The following APOL3 variants were observed in gnomAD, a reference collection of about 807,000 sequenced individuals.
APOL3 encodes apolipoprotein L3, also known as TNF-inducible protein CG12-1.
Under a neutral mutation model 11.6 loss-of-function variants are expected in APOL3, and 14 were observed. The ratio of observed to expected loss-of-function variants is 1.21; its 90% confidence interval spans 0.80 to 1.89. The LOEUF (loss-of-function observed/expected upper bound fraction) is 1.89, where lower values mean the gene tolerates loss of function less well. APOL3 is among the 40% of genes most tolerant of loss of function. The pLI is 0.00. For missense variants in APOL3, 483 were observed against 492.1 expected, an observed-to-expected ratio of 0.98 and a Z score of 0.17; for synonymous variants, 192 against 190.6, an observed-to-expected ratio of 1.01 and a Z score of -0.06.
At position 36,149,293 on chromosome 22, in the gene APOL3, C is replaced by T; in HGVS notation, c.224-3694G>A. On this transcript the variant is annotated intron_variant, in intron 1 of 2. Coordinates refer to ENST00000349314, the Ensembl canonical transcript of APOL3. ...TGTTTTTTAATCTCCTGGGCCCCAG[C>T]CAGCTGGTATTTAGAGAAATTCTAC... 4 of 1,305,846 alleles carry T rather than the reference C, an allele frequency of 3.1e-6. No homozygotes were observed. The South Asian group carries it at 3.7e-5, about 12-fold the overall frequency. The allele number at this position is 1,305,846 out of a possible 1,614,324, so 80.9% of individuals were successfully genotyped here.
At chr22:36,150,066 C>G in intron 1 of APOL3, 2 of 371,288 alleles carry the variant, frequency 5.4e-6, no homozygotes, top group South Asian at 4.1e-5. Flanking sequence ...CCTGCCTGAG[C>G]CCCCCAAAGT....
chr22:36,160,786 T>C (rs1569530047), exon 1 of APOL3: 3 of 1,614,146 alleles, frequency 1.9e-6, no homozygotes, highest in Non-Finnish European at 2.5e-6. Flanking sequence ...CTCTGAGATA[T>C]ACCCTGGAAC....
chr22:36,153,063 A>G (rs142373852), intron 1 of APOL3, among the ~76,000 whole-genome samples: 6 of 152,268 alleles, frequency 3.9e-5, no homozygotes, highest in African/African-American at 1.4e-4. Context: ...GTGAGCCAAG[A>G]TAGCTACATT....
upstream of APOL3, chr22:36,161,680 T>G (rs1257558811): frequency 6.6e-6 from 1 of 152,400 alleles, no homozygotes; most frequent in Non-Finnish European, 1.5e-5. Flanking sequence ...GCTGTTGTAA[T>G]TGGCCACAGT....
In APOL3 at chr22:36,140,991, C is replaced by G. The variant is rs776579942; in HGVS notation, c.*209G>C. 4 of 661,386 alleles carry G rather than the reference C, an allele frequency of 6.0e-6. No homozygotes were observed. The East Asian group carries it at 8.1e-5, about 13-fold the overall frequency. The allele number at this position is 661,386 out of a possible 1,614,324, so 41.0% of individuals were successfully genotyped here. ...CTCCAGTCCCCTCTCCTCCCTTATT[C>G]CAGGCTCCAGCATTCCTGCCTTCTC... On this transcript the variant is annotated 3_prime_UTR_variant, in exon 3 of 3. Coordinates refer to ENST00000349314, the Ensembl canonical transcript of APOL3.
rs199746432 is a variant in APOL3, at chr22:36,149,127, G to A, written c.224-3528C>T. On this transcript the variant is annotated intron_variant, in intron 1 of 2. The change creates a new upstream start codon in the 5' untranslated region. Transcript: ENST00000349314. ...GTCACTGACCTGACTGGAAGGGTTCGTTTTTTTTCTTAACCCTTGAGGAGG... is the reference window on the plus strand; with the variant it reads ...GTCACTGACCTGACTGGAAGGGTTCATTTTTTTTCTTAACCCTTGAGGAGG... The A allele has an allele frequency of 6.9e-5, 94 of 1,367,526 alleles. No individual in the cohort carries two copies. In the Admixed American group the frequency reaches 1.1e-3, roughly 16 times the overall value. 84.7% of individuals were successfully genotyped at this position (1,367,526 alleles called of 1,614,324 possible).
At chr22:36,145,009 CAAAAAAAAAAAAAAAAGA>C (rs1169194371) in intron 2 of APOL3, among the ~76,000 whole-genome samples, 2 of 37,952 alleles carry the variant, frequency 5.3e-5, no homozygotes, top group East Asian at 1.6e-3. Flanking sequence ...GACTCTGTCT[CAAAAAAAAAAAAAAAAGA>C]AAAAAAAAGA....
At chr22:36,145,410 G>A in intron 2 of APOL3, 63 bp downstream of exon 3, 2 of 1,590,288 alleles carry the variant, frequency 1.3e-6, no homozygotes, top group Non-Finnish European at 1.7e-6. Context: ...GAGAAAACTA[G>A]CCCAGGGGAG....
chr22:36,143,788 C>A (rs760402983), intron 2 of APOL3, among the ~76,000 whole-genome samples: 18 of 152,356 alleles, frequency 1.2e-4, no homozygotes, highest in Middle Eastern at 3.4e-3. Context: ...CAGGTGACAG[C>A]TTCACCTGTG....
intron 2 of APOL3, 34 bp from the exon 4 acceptor site, chr22:36,142,092 C>A: frequency 6.4e-7 from 1 of 1,556,062 alleles, no homozygotes; most frequent in Non-Finnish European, 8.7e-7. Flanking sequence ...TTAAGAAAGG[C>A]AGCTTACTTA....
chr22:36,146,845 C>T (rs922691562), intron 1 of APOL3, among the ~76,000 whole-genome samples: 2 of 151,996 alleles, frequency 1.3e-5, no homozygotes, highest in Admixed American at 1.3e-4. Context: ...GATGAGTTGC[C>T]CCAAAAATGT....
At chr22:36,152,051 G>A (rs2011804269) in intron 1 of APOL3, among the ~76,000 whole-genome samples, 1 of 152,086 alleles carries the variant, frequency 6.6e-6, no homozygotes, top group Non-Finnish European at 1.5e-5. Context: ...GAGAGAAAAA[G>A]ACGTGAAAGA....
At position 36,153,440 on chromosome 22, in the gene APOL3, G is replaced by A. The variant is rs1025404918; in HGVS notation, c.223+7229C>T. On this transcript the variant is annotated intron_variant, in intron 1 of 2. Transcript: ENST00000349314. ...GTAACCAAGCTGCTAAGAAAAGTAC[G>A]GATGTTGTCATTTTATGTTAAACTG... 5 of 455,644 alleles carry A rather than the reference G, an allele frequency of 1.1e-5. No individual in the cohort carries two copies. In the East Asian group the frequency reaches 2.1e-4, roughly 19 times the overall value. 28.2% of individuals were successfully genotyped at this position (455,644 alleles called of 1,614,324 possible).
At chr22:36,148,963 G>A (rs2060324202) in intron 1 of APOL3, 83 bp downstream of exon 2, 16 of 1,290,248 alleles carry the variant, frequency 1.2e-5, no homozygotes, top group Non-Finnish European at 1.1e-6. Flanking sequence ...GGTTCCTCTG[G>A]GGCTCACTGA....
chr22:36,150,957 A>G (rs1488500267), intron 1 of APOL3, among the ~76,000 whole-genome samples: 1 of 152,204 alleles, frequency 6.6e-6, no homozygotes, highest in African/African-American at 2.4e-5. Context: ...TTTGGAAGAC[A>G]GAACTGGCTG....
intron 1 of APOL3, among the ~76,000 whole-genome samples, chr22:36,158,933 T>C (rs1046861714): frequency 2.0e-5 from 3 of 151,914 alleles, no homozygotes; most frequent in Non-Finnish European, 4.4e-5. Context: ...CAGGGCTCCA[T>C]GAAGTGAAAT....
At chr22:36,147,297 G>A (rs928331385) in intron 1 of APOL3, among the ~76,000 whole-genome samples, 5 of 152,176 alleles carry the variant, frequency 3.3e-5, no homozygotes, top group African/African-American at 7.2e-5. Context: ...GGGCAGGGGA[G>A]CAAGACCCTC....
chr22:36,155,138 T>C (rs757938342), intron 1 of APOL3, among the ~76,000 whole-genome samples: 11 of 152,154 alleles, frequency 7.2e-5, no homozygotes, highest in Non-Finnish European at 1.3e-4. Flanking sequence ...ATGGTTTCTG[T>C]AGTGAGGAGG....
intron 1 of APOL3, chr22:36,146,508 C>T (rs747737707): frequency 5.9e-5 from 9 of 151,840 alleles, no homozygotes; most frequent in South Asian, 2.1e-4. Flanking sequence ...GTGTATTGAA[C>T]ACAGCAAGAG....
Sources: gnomAD v4.1 joint callset for allele counts (sites outside exome capture counted in the v4.1 genomes callset) on GRCh38, gnomAD v4.1.1 for gene constraint, MANE v1.5 for transcripts, NCBI Gene and HGNC (gene_info 2026-07-23, HGNC 2026-07-21) for gene names.